Variants in LINGO2 observed in about 807,000 individuals in gnomAD.
LINGO2 encodes leucine-rich repeat and immunoglobulin-like domain-containing nogo receptor-interacting protein 2.
A neutral mutation model predicts 30.6 loss-of-function variants in LINGO2; 14 were observed. The observed-to-expected ratio is 0.46, with a 90% CI of 0.30 to 0.72. The LOEUF (loss-of-function observed/expected upper bound fraction) is 0.72. LINGO2 is among the 30% of genes least tolerant of loss of function. The pLI, the probability that LINGO2 is intolerant of heterozygous loss-of-function variation, is 0.07. For missense variants in LINGO2, 729 were observed against 751.7 expected, an observed-to-expected ratio of 0.97 and a Z score of 0.35; for synonymous variants, 317 against 288.5, an observed-to-expected ratio of 1.10 and a Z score of -1.00.
the LINGO2 span, among the ~76,000 whole-genome samples, chr9:28,898,161 T>A: frequency 2.0e-5 from 3 of 152,298 alleles, no homozygotes; most frequent in East Asian, 5.8e-4. Context: ...TGAAATATAA[T>A]TGTCTTTAAT....
intron 3 of LINGO2, among the ~76,000 whole-genome samples, chr9:28,307,748 C>T (rs1267299979): frequency 2.0e-5 from 3 of 152,132 alleles, no homozygotes; most frequent in African/African-American, 4.8e-5. Flanking sequence ...GATACAAAAT[C>T]AATGTACAAA....
intron 1 of LINGO2, among the ~76,000 whole-genome samples, chr9:28,644,165 G>C (rs1827728801): frequency 6.6e-6 from 1 of 151,764 alleles, no homozygotes; most frequent in Non-Finnish European, 1.5e-5. Context: ...AAAACCATAT[G>C]ATACAGCAAT....
the LINGO2 span, among the ~76,000 whole-genome samples, chr9:29,072,611 T>TTATATATATATA: frequency 0.071 from 9,963 of 140,044 alleles, 763 homozygotes; most frequent in African/African-American, 0.13. Context: ...TGTCTCTCTT[T>TTATATATATATA]GATATATATA....
intron 3 of LINGO2, among the ~76,000 whole-genome samples, chr9:28,347,894 T>C (rs1178894748): frequency 6.6e-6 from 1 of 152,216 alleles, no homozygotes; most frequent in African/African-American, 2.4e-5. Context: ...CAAAGATGTT[T>C]CTACTATGTT....
At chr9:28,913,229 A>G in the LINGO2 span, among the ~76,000 whole-genome samples, 2 of 152,094 alleles carry the variant, frequency 1.3e-5, no homozygotes, top group Non-Finnish European at 2.9e-5. Flanking sequence ...TAATTCCATT[A>G]TTATAACATG....
At chr9:28,647,218 G>A (rs1827881142) in intron 1 of LINGO2, among the ~76,000 whole-genome samples, 1 of 152,032 alleles carries the variant, frequency 6.6e-6, no homozygotes, top group South Asian at 2.1e-4. Flanking sequence ...TGGTTGCCCT[G>A]AAATTGATCA....
At chr9:28,332,593 A>G (rs1825461715) in intron 3 of LINGO2, among the ~76,000 whole-genome samples, 1 of 152,052 alleles carries the variant, frequency 6.6e-6, no homozygotes, top group East Asian at 1.9e-4. Context: ...CAGAAAAAAA[A>G]AAAGGCAGGG....
the LINGO2 span, among the ~76,000 whole-genome samples, chr9:28,919,682 T>TAC: frequency 3.6e-4 from 55 of 152,140 alleles, no homozygotes; most frequent in African/African-American, 1.3e-3. Flanking sequence ...TATATGAGCA[T>TAC]ACAAGGACAA....
the LINGO2 span, among the ~76,000 whole-genome samples, chr9:28,846,348 G>T: frequency 6.6e-6 from 1 of 151,616 alleles, no homozygotes; most frequent in African/African-American, 2.4e-5. Context: ...GTGGTGCAGA[G>T]TTACTGGAGG....
intron 4 of LINGO2, among the ~76,000 whole-genome samples, chr9:28,070,038 T>C (rs1384450720): frequency 1.3e-5 from 2 of 152,152 alleles, no homozygotes; most frequent in African/African-American, 2.4e-5. Context: ...CAAAAGCTCA[T>C]GTCCGTCCAC....
At chr9:29,015,035 T>C in the LINGO2 span, among the ~76,000 whole-genome samples, 2 of 152,174 alleles carry the variant, frequency 1.3e-5, no homozygotes, top group Non-Finnish European at 2.9e-5. Flanking sequence ...TGGTTTGTTT[T>C]GGTAGTATCA....
intron 1 of LINGO2, among the ~76,000 whole-genome samples, chr9:28,649,586 T>TA (rs35133067): frequency 0.3 from 45,916 of 151,656 alleles, 8,113 homozygotes; most frequent in African/African-American, 0.48. Context: ...TTAAATCAGT[T>TA]AAAAAAATTT....
the LINGO2 span, among the ~76,000 whole-genome samples, chr9:28,724,899 T>G: frequency 6.6e-6 from 1 of 152,064 alleles, no homozygotes; most frequent in Non-Finnish European, 1.5e-5. Context: ...ATGTAAGAAT[T>G]CAAAGGTTTT....
At chr9:28,448,435 C>A (rs549399659) in intron 2 of LINGO2, among the ~76,000 whole-genome samples, 1 of 152,212 alleles carries the variant, frequency 6.6e-6, no homozygotes, top group Admixed American at 6.5e-5. Flanking sequence ...ATTTTGAACT[C>A]TTACTGATAA....
At position 28,651,685 on chromosome 9, in the gene LINGO2, A is replaced by T. The variant is rs77615872; in HGVS notation, c.-365+18515T>A. ...TAAAACTTGTTATTTAAAAAAAAAC[A>T]ACAGCCTTTAGCATCATTTTTCTAT... On this transcript the variant is annotated intron_variant, in intron 1 of 5. Coordinates refer to ENST00000379992, the Ensembl canonical transcript of LINGO2. 4.8e-3 allele frequency among the ~76,000 whole-genome samples: 730 copies of T among 152,256 alleles called. 16 individuals carry two copies. In the East Asian group the frequency reaches 0.07, roughly 15 times the overall value.
intron 2 of LINGO2, among the ~76,000 whole-genome samples, chr9:28,427,567 TAC>T (rs1434943035): frequency 6.6e-6 from 1 of 152,136 alleles, no homozygotes; most frequent in African/African-American, 2.4e-5. Flanking sequence ...ATTAATATGA[TAC>T]AGATGGATTT....
chr9:28,064,612 C>A (rs756901205), intron 4 of LINGO2, among the ~76,000 whole-genome samples: 1 of 152,132 alleles, frequency 6.6e-6, no homozygotes, highest in Non-Finnish European at 1.5e-5. Flanking sequence ...TAATTAACCC[C>A]TGGAGAGCTA....
intron 5 of LINGO2, among the ~76,000 whole-genome samples, chr9:27,968,039 C>CA (rs1204979023): frequency 2.0e-5 from 3 of 151,726 alleles, no homozygotes; most frequent in African/African-American, 7.3e-5. Flanking sequence ...GAGTTCTGTC[C>CA]AAAAAAGAGT....
the LINGO2 span, among the ~76,000 whole-genome samples, chr9:28,848,079 T>C: frequency 9.0e-5 from 5 of 55,578 alleles, no homozygotes; most frequent in Admixed American, 1.8e-4. Flanking sequence ...AATATATATA[T>C]ACACACTATA....
Sources: allele counts gnomAD v4.1 joint callset (sites outside exome capture counted in the v4.1 genomes callset), GRCh38; gene constraint gnomAD v4.1.1; transcripts MANE v1.5; gene names NCBI Gene and HGNC (gene_info 2026-07-23, HGNC 2026-07-21).